NFIA: variants seen among roughly 807,000 people sequenced by gnomAD.
The protein encoded by NFIA is nuclear factor I A, also known as nuclear factor 1 A-type.
A neutral mutation model predicts 62.8 loss-of-function variants in NFIA; 8 were observed. The observed-to-expected ratio is 0.13, with a 90% CI of 0.07 to 0.23. The LOEUF is 0.23. Ranked by LOEUF, NFIA falls within the 10% of genes least tolerant of loss-of-function variation. NFIA has a pLI of 1.00. For missense variants in NFIA, 410 were observed against 642.1 expected (o/e 0.64, Z 3.91); for synonymous variants, 235 against 238.1 (o/e 0.99, Z 0.12).
intron 2 of NFIA, among the ~76,000 whole-genome samples, chr1:61,140,382 G>T (rs1647418083): frequency 7.3e-6 from 1 of 136,944 alleles, no homozygotes; most frequent in South Asian, 2.7e-4. Flanking sequence ...GCGGGGGGAG[G>T]CAATGGGTAG....
intron 2 of NFIA, among the ~76,000 whole-genome samples, chr1:61,225,078 C>A (rs945310708): frequency 1.3e-5 from 2 of 152,026 alleles, no homozygotes; most frequent in Non-Finnish European, 2.9e-5. Flanking sequence ...TTGAACCCTT[C>A]CACCTTAAGT....
chr1:61,220,281 C>T (rs1653937223), intron 2 of NFIA, among the ~76,000 whole-genome samples: 1 of 152,152 alleles, frequency 6.6e-6, no homozygotes, highest in Admixed American at 6.5e-5. Context: ...GTTCATATTG[C>T]CTCCCTATCC....
chr1:61,210,986 T>C (rs1404777382), intron 2 of NFIA, among the ~76,000 whole-genome samples: 1 of 152,236 alleles, frequency 6.6e-6, no homozygotes, highest in Non-Finnish European at 1.5e-5. Context: ...TTCACATTTT[T>C]CATGCTCTGT....
At chr1:61,120,161 A>C (rs1053816088) in intron 2 of NFIA, among the ~76,000 whole-genome samples, 1 of 152,140 alleles carries the variant, frequency 6.6e-6, no homozygotes, top group Non-Finnish European at 1.5e-5. Flanking sequence ...ATTTGGTTTG[A>C]GCTCTGTAAT....
In NFIA at chr1:61,095,565, A is replaced by C. The variant is rs554958875; in HGVS notation, c.559+6885A>C. 2.0e-5 allele frequency among the ~76,000 whole-genome samples: 3 copies of C among 152,334 alleles called. No homozygotes were observed. In the East Asian group the frequency reaches 5.8e-4, roughly 29 times the overall value. ...AAGGGAAAGTAAAAAGTCAAAATCC[A>C]AACCCCTCCCATTGAGATATTTCAC... On this transcript the variant is annotated intron_variant, in intron 2 of 10. Transcript: ENST00000403491.
intron 2 of NFIA, among the ~76,000 whole-genome samples, chr1:61,245,885 T>C (rs1655612254): frequency 6.6e-6 from 1 of 152,158 alleles, no homozygotes; most frequent in Admixed American, 6.5e-5. Context: ...AGAAATTCTT[T>C]TGGATGATCT....
At chr1:61,290,137 ATAT>A (rs1322902482) in intron 3 of NFIA, among the ~76,000 whole-genome samples, 2 of 151,408 alleles carry the variant, frequency 1.3e-5, no homozygotes, top group Non-Finnish European at 2.9e-5. Flanking sequence ...ACTTTAATAG[ATAT>A]TTTTAAACAA....
upstream of NFIA, chr1:61,081,729 TG>T: frequency 4.2e-6 from 3 of 708,984 alleles, no homozygotes; most frequent in Non-Finnish European, 6.8e-6. Context: ...GTGAATCTTC[TG>T]TGGGCACTGA....
chr1:61,149,355 T>G (rs1213102859), intron 2 of NFIA, among the ~76,000 whole-genome samples: 1 of 152,252 alleles, frequency 6.6e-6, no homozygotes, highest in African/African-American at 2.4e-5. Context: ...ATTCCCTGTC[T>G]TTTCTACTAC....
intron 2 of NFIA, among the ~76,000 whole-genome samples, chr1:61,216,037 A>G (rs796478715): frequency 1.3e-5 from 2 of 152,354 alleles, no homozygotes; most frequent in African/African-American, 4.8e-5. Context: ...ATTGATGGCT[A>G]TGAACCTTGC....
intron 2 of NFIA, among the ~76,000 whole-genome samples, chr1:61,175,105 T>G (rs545108818): frequency 1.1e-4 from 17 of 148,278 alleles, no homozygotes; most frequent in African/African-American, 4.3e-4. Context: ...TATTCAGCAT[T>G]GACACTTAAA....
chr1:61,409,041 C>A (rs1028896949), intron 9 of NFIA, among the ~76,000 whole-genome samples: 1 of 152,186 alleles, frequency 6.6e-6, no homozygotes, highest in Non-Finnish European at 1.5e-5. Context: ...TGATACCTAT[C>A]ATCCTCTTGT....
At position 61,253,337 on chromosome 1, in the gene NFIA, A is replaced by G. The variant is rs191233965; in HGVS notation, c.560-24183A>G. 693 of 152,524 alleles carry G rather than the reference A, an allele frequency of 4.5e-3. 11 individuals are homozygous for G. Among genetic ancestry groups the G allele is most frequent in the Admixed American group, 0.019 (290 of 15,306 alleles). 9.4% of individuals were successfully genotyped at this position (152,524 alleles called of 1,614,324 possible). A position where few individuals can be genotyped will look rare whatever the true frequency, so the allele number is the denominator to read the frequency against. On this transcript the variant is annotated intron_variant, in intron 2 of 10. Coordinates refer to ENST00000403491, the MANE Select transcript of NFIA (RefSeq NM_001134673.4). The stretch of plus-strand genomic sequence containing the variant: ...GGCAGGTAGGGAAAAGCAAGTCAAC[A>G]TCTCCAGTTCCAGATGAGCTAGGGC...
intron 2 of NFIA, among the ~76,000 whole-genome samples, chr1:61,148,417 C>T (rs1282070163): frequency 6.6e-6 from 1 of 152,230 alleles, no homozygotes; most frequent in Admixed American, 6.5e-5. Context: ...CTGGCTAATT[C>T]CCGCTGGTTC....
chr1:61,382,879 T>G (rs527495489), intron 6 of NFIA, among the ~76,000 whole-genome samples: 2 of 152,320 alleles, frequency 1.3e-5, no homozygotes, highest in Non-Finnish European at 2.9e-5. Context: ...GCATGTGAAG[T>G]CTTCATAAGC....
intron 2 of NFIA, among the ~76,000 whole-genome samples, chr1:61,113,570 G>A (rs1053776603): frequency 6.9e-6 from 1 of 144,792 alleles, no homozygotes; most frequent in South Asian, 2.2e-4. Context: ...CTCCAGCCTG[G>A]GCAACAAGAG....
chr1:61,270,856 T>G (rs1164714338), intron 2 of NFIA, among the ~76,000 whole-genome samples: 2 of 152,234 alleles, frequency 1.3e-5, no homozygotes, highest in Non-Finnish European at 2.9e-5. Context: ...GGCACCGCTG[T>G]GAACACAGCG....
intron 5 of NFIA, among the ~76,000 whole-genome samples, chr1:61,354,363 A>G (rs1005848269): frequency 2.0e-5 from 3 of 152,230 alleles, no homozygotes; most frequent in Non-Finnish European, 2.9e-5. Context: ...AAGTGTGCCC[A>G]GAAGAATATC....
chr1:61,437,249 A>G (rs1177439784), intron 10 of NFIA, among the ~76,000 whole-genome samples: 7 of 152,084 alleles, frequency 4.6e-5, no homozygotes, highest in Admixed American at 3.3e-4. Context: ...TCTTCCTTCC[A>G]TTGGTCCCTG....
Sources: allele counts gnomAD v4.1 joint callset (sites outside exome capture counted in the v4.1 genomes callset), GRCh38; gene constraint gnomAD v4.1.1; transcripts MANE v1.5; gene names NCBI Gene and HGNC (gene_info 2026-07-23, HGNC 2026-07-21).